Variants in ABAT observed in about 807,000 individuals in gnomAD.
ABAT encodes 4-aminobutyrate aminotransferase, mitochondrial.
A neutral mutation model predicts 64.6 loss-of-function variants in ABAT; 45 were observed. The observed-to-expected ratio is 0.70, with a 90% CI of 0.55 to 0.89. ABAT has a LOEUF of 0.89. ABAT is among the 40% of genes least tolerant of loss of function. The pLI is 0.00. For missense variants in ABAT, 633 were observed against 658.4 expected, an observed-to-expected ratio of 0.96 and a Z score of 0.42; for synonymous variants, 297 against 250.5, an observed-to-expected ratio of 1.19 and a Z score of -1.75.
chr16:8,698,797 T>C (rs1329563733), intron 1 of ABAT, among the ~76,000 whole-genome samples: 1 of 151,962 alleles, frequency 6.6e-6, no homozygotes, highest in African/African-American at 2.4e-5. Flanking sequence ...AATACAAAAA[T>C]TAACCAGGCT....
chr16:8,676,273 C>T (rs914447605), intron 1 of ABAT, among the ~76,000 whole-genome samples: 2 of 152,238 alleles, frequency 1.3e-5, no homozygotes, highest in East Asian at 1.9e-4. Context: ...CTTCATTTGA[C>T]AGTTAAACAC....
intron 1 of ABAT, among the ~76,000 whole-genome samples, chr16:8,716,455 C>G (rs2058218842): frequency 6.6e-6 from 1 of 152,128 alleles, no homozygotes; most frequent in Non-Finnish European, 1.5e-5. Context: ...AGTCGTGATC[C>G]CAGCACCCTC....
At chr16:8,705,358 C>T (rs2142045075) in intron 1 of ABAT, 1 of 152,148 alleles carries the variant, frequency 6.6e-6, no homozygotes, top group South Asian at 2.1e-4. Context: ...GGAAACTGCC[C>T]CCATGATCCA....
At chr16:8,746,693 C>T (rs957903847) in intron 3 of ABAT, among the ~76,000 whole-genome samples, 1 of 150,542 alleles carries the variant, frequency 6.6e-6, no homozygotes, top group Non-Finnish European at 1.5e-5. Flanking sequence ...ACCTGGGCAG[C>T]AGAGCAAGAC....
At chr16:8,719,441 T>G (rs939857321) in intron 1 of ABAT, among the ~76,000 whole-genome samples, 3 of 152,196 alleles carry the variant, frequency 2.0e-5, no homozygotes, top group African/African-American at 7.2e-5. Flanking sequence ...TGAAGCCCTG[T>G]CTGTTCATTT....
intron 1 of ABAT, chr16:8,715,704 G>A (rs977595977): frequency 9.4e-5 from 14 of 149,498 alleles, no homozygotes; most frequent in Non-Finnish European, 1.5e-4. Context: ...AATATAGATT[G>A]TATGTTAGAT....
intron 1 of ABAT, among the ~76,000 whole-genome samples, chr16:8,724,254 T>TC (rs1322986677): frequency 1.3e-5 from 2 of 151,988 alleles, no homozygotes; most frequent in Non-Finnish European, 2.9e-5. Flanking sequence ...TCACATTTTT[T>TC]CCCCTGAAAA....
intron 1 of ABAT, among the ~76,000 whole-genome samples, chr16:8,689,261 T>C (rs558488214): frequency 6.6e-6 from 1 of 152,334 alleles, no homozygotes; most frequent in East Asian, 1.9e-4. Flanking sequence ...TGGCCCAGTA[T>C]CACTGCCTCC....
At chr16:8,778,788 ACAAAAAAC>A (rs1567319083) in intron 14 of ABAT, among the ~76,000 whole-genome samples, 3 of 151,540 alleles carry the variant, frequency 2.0e-5, no homozygotes, top group African/African-American at 7.3e-5. Flanking sequence ...AAAAAAAAAA[ACAAAAAAC>A]AAAAAACAGT....
chr16:8,750,562 T>C lies in ABAT; in HGVS notation c.316+23T>C, dbSNP rs756797831. Reference sequence around the variant, plus strand: ...TAGGTAAGAGCTGGGAAATCATTCCTTGGATATAACCTCTGTTTCTGTCTC... The same window carrying C: ...TAGGTAAGAGCTGGGAAATCATTCCCTGGATATAACCTCTGTTTCTGTCTC... On this transcript the variant is annotated intron_variant, in intron 5 of 15. Transcript: ENST00000268251. 1.9e-5 allele frequency: 31 copies of C among 1,600,070 alleles called. No homozygotes were observed. In the East Asian group the frequency reaches 6.9e-4, roughly 36 times the overall value.
At chr16:8,731,946 C>G (rs903645068) in intron 1 of ABAT, among the ~76,000 whole-genome samples, 1 of 152,068 alleles carries the variant, frequency 6.6e-6, no homozygotes, top group Non-Finnish European at 1.5e-5. Flanking sequence ...CTCTGCCTCC[C>G]GAGTTGAAGT....
Position 8,682,254 on chromosome 16 carries a change from G to T in ABAT, c.-42+7543G>T, listed in dbSNP as rs548165090. ...AGGAGGCATTCAGGATGTATTTGTT[G>T]GATGTTGGATGGCTGGGGGTGTAGA... On this transcript the variant is annotated intron_variant, in intron 1 of 15. Transcript: ENST00000268251. Among the ~76,000 whole-genome samples the T allele has an allele frequency of 3.3e-5, 5 of 150,370 alleles. No homozygotes were observed. The South Asian group carries it at 1.0e-3, about 31-fold the overall frequency.
chr16:8,753,302 A>G (rs1008140810), intron 5 of ABAT, among the ~76,000 whole-genome samples: 7 of 151,998 alleles, frequency 4.6e-5, no homozygotes, highest in Admixed American at 6.6e-5. Flanking sequence ...TCACCGTGTT[A>G]GCCAGGATGG....
At chr16:8,703,485 C>T (rs2057872432) in intron 1 of ABAT, among the ~76,000 whole-genome samples, 1 of 151,704 alleles carries the variant, frequency 6.6e-6, no homozygotes, top group Non-Finnish European at 1.5e-5. Context: ...AAAATTATTG[C>T]TGTTAAAAAG....
chr16:8,701,300 T>A (rs1427427372), intron 1 of ABAT, among the ~76,000 whole-genome samples: 2 of 152,202 alleles, frequency 1.3e-5, no homozygotes, highest in Non-Finnish European at 2.9e-5. Context: ...CACAGGAGCA[T>A]ATAGTAGTGA....
chr16:8,723,202 C>T (rs147855648), intron 1 of ABAT, among the ~76,000 whole-genome samples: 1 of 152,186 alleles, frequency 6.6e-6, no homozygotes, highest in African/African-American at 2.4e-5. Flanking sequence ...CAGTGCACTC[C>T]AGCCTGGGTG....
intron 1 of ABAT, among the ~76,000 whole-genome samples, chr16:8,703,660 G>A (rs898741021): frequency 6.6e-6 from 1 of 152,172 alleles, no homozygotes; most frequent in Non-Finnish European, 1.5e-5. Flanking sequence ...TTGGGTCTGT[G>A]TCCGTTCTCT....
At chr16:8,709,374 A>C (rs931726211) in intron 1 of ABAT, among the ~76,000 whole-genome samples, 2 of 149,704 alleles carry the variant, frequency 1.3e-5, no homozygotes, top group Non-Finnish European at 3.0e-5. Flanking sequence ...TTATTTATTT[A>C]TTTATTTATT....
intron 1 of ABAT, among the ~76,000 whole-genome samples, chr16:8,733,248 G>A (rs1045075012): frequency 1.3e-5 from 2 of 151,664 alleles, no homozygotes; most frequent in Non-Finnish European, 2.9e-5. Flanking sequence ...GCCGGGCAGA[G>A]ACGCTCCTCA....
Sources: gnomAD v4.1 joint callset for allele counts (sites outside exome capture counted in the v4.1 genomes callset) on GRCh38, gnomAD v4.1.1 for gene constraint, MANE v1.5 for transcripts, NCBI Gene and HGNC (gene_info 2026-07-23, HGNC 2026-07-21) for gene names.